Variants in ADGRG6 observed in about 807,000 individuals in gnomAD.
The protein encoded by ADGRG6 is G-protein coupled receptor 126.
Under a neutral mutation model 142.4 loss-of-function variants are expected in ADGRG6, and 84 were observed. The ratio of observed to expected loss-of-function variants is 0.59; its 90% CI spans 0.49 to 0.71. The LOEUF is 0.71. Among genes scored for constraint, ADGRG6 ranks in the 30% least tolerant of loss-of-function variants. The pLI is 0.00. For missense variants in ADGRG6, 1,367 were observed against 1,466.6 expected (o/e 0.93, Z 1.11); for synonymous variants, 521 against 520.5 (o/e 1.00, Z -0.01).
intron 22 of ADGRG6, among the ~76,000 whole-genome samples, chr6:142,435,187 A>T (rs543349280): frequency 6.6e-6 from 1 of 152,242 alleles, no homozygotes; most frequent in East Asian, 1.9e-4. Flanking sequence ...TGTTCCATGA[A>T]TACAAGGATT....
chr6:142,436,624 T>A (rs1582693026), intron 22 of ADGRG6, among the ~76,000 whole-genome samples: 1 of 152,166 alleles, frequency 6.6e-6, no homozygotes, highest in South Asian at 2.1e-4. Context: ...ATTTTTTGTT[T>A]GTTCTTAAAA....
chr6:142,345,324 A>G (rs1271876570), intron 2 of ADGRG6, among the ~76,000 whole-genome samples: 4 of 152,094 alleles, frequency 2.6e-5, no homozygotes, highest in Non-Finnish European at 5.9e-5. Flanking sequence ...TATCTTTGGC[A>G]GTCATAGTCA....
intron 6 of ADGRG6, among the ~76,000 whole-genome samples, chr6:142,386,666 T>C (rs1316886447): frequency 6.6e-6 from 1 of 152,220 alleles, no homozygotes; most frequent in Admixed American, 6.5e-5. Context: ...ATTTATATGA[T>C]TATCTTATAC....
intron 22 of ADGRG6, among the ~76,000 whole-genome samples, chr6:142,429,285 T>C (rs1423191530): frequency 1.3e-5 from 2 of 152,228 alleles, no homozygotes; most frequent in Non-Finnish European, 2.9e-5. Context: ...CACTGGAGGC[T>C]GAGGTTAGGA....
In ADGRG6 at chr6:142,398,817, C is replaced by G. The variant is rs189988496; in HGVS notation, c.1567+1062C>G. The stretch of plus-strand genomic sequence containing the variant: ...GTCCAGATGCCTAGAGCATCATATG[C>G]ATCAGAAGACCATAGTACTTAGAAG... On this transcript the variant is annotated intron_variant, in intron 10 of 24. Transcript: ENST00000367609. Among the ~76,000 whole-genome samples the G allele has an allele frequency of 3.9e-4, 59 of 152,234 alleles. 1 individual carries two copies. The South Asian group carries it at 4.4e-3, about 11-fold the overall frequency.
intron 9 of ADGRG6, among the ~76,000 whole-genome samples, chr6:142,395,980 C>T (rs1334985788): frequency 6.6e-6 from 1 of 152,038 alleles, no homozygotes; most frequent in Non-Finnish European, 1.5e-5. Flanking sequence ...ATGGTAACAA[C>T]AGATAGAATG....
chr6:142,308,624 A>T (rs764346506), intron 1 of ADGRG6, among the ~76,000 whole-genome samples: 2 of 151,708 alleles, frequency 1.3e-5, no homozygotes, highest in Non-Finnish European at 2.9e-5. Context: ...CTCTCAGGGG[A>T]TTTTCAGGTT....
At position 142,381,967 on chromosome 6, in the gene ADGRG6, G is replaced by A. The variant is rs371649497; in HGVS notation, c.1086G>A (p.Pro362=). 7.7e-5 allele frequency: 123 copies of A among 1,600,946 alleles called. No individual in the cohort carries two copies. The highest frequency in any genetic ancestry group is 2.4e-4 in the African/African-American group (18 of 74,520). Reference sequence around the variant, plus strand: ...TTGATCAAGGTTCCTACCTGATCCCGCTCCCAGCAGCAGAACTGGCCAGCT... The same window carrying A: ...TTGATCAAGGTTCCTACCTGATCCCACTCCCAGCAGCAGAACTGGCCAGCT... ...SNLSCGSYLI[P]LPAAELASCA... The change falls in exon 5 of 25, where the codon CCG becomes CCA. Residue 362 remains proline, a synonymous_variant. Coordinates refer to ENST00000367609, the MANE Select transcript of ADGRG6 (RefSeq NM_198569.3).
chr6:142,442,985 C>A (rs1180890421), intron 24 of ADGRG6, among the ~76,000 whole-genome samples: 1 of 152,066 alleles, frequency 6.6e-6, no homozygotes, highest in Admixed American at 6.6e-5. Flanking sequence ...AATATTTCAG[C>A]ACATTCTAAT....
At chr6:142,362,855 A>G (rs1293002007) in intron 2 of ADGRG6, among the ~76,000 whole-genome samples, 2 of 152,180 alleles carry the variant, frequency 1.3e-5, no homozygotes, top group Admixed American at 6.6e-5. Context: ...TCTAGAATTC[A>G]TAGTTGCTGG....
intron 24 of ADGRG6, 53 bp from the exon 25 acceptor site, chr6:142,443,284 T>C (rs1389946725): frequency 3.3e-6 from 4 of 1,210,436 alleles, no homozygotes; most frequent in Non-Finnish European, 4.8e-6. Context: ...TGGTGGCCTG[T>C]AGGCATGCCA....
At chr6:142,314,236 A>T (rs1233543783) in intron 2 of ADGRG6, among the ~76,000 whole-genome samples, 4 of 152,204 alleles carry the variant, frequency 2.6e-5, no homozygotes, top group African/African-American at 9.7e-5. Flanking sequence ...AAAGCCAATT[A>T]CATAAACGTA....
At chr6:142,423,851 A>C (rs1430785004) in intron 22 of ADGRG6, among the ~76,000 whole-genome samples, 2 of 143,090 alleles carry the variant, frequency 1.4e-5, no homozygotes, top group African/African-American at 5.3e-5. Flanking sequence ...TTCATTGAGC[A>C]GTGGTTTGTA....
At chr6:142,343,044 AG>A (rs1779735668) in intron 2 of ADGRG6, among the ~76,000 whole-genome samples, 1 of 151,762 alleles carries the variant, frequency 6.6e-6, no homozygotes, top group Non-Finnish European at 1.5e-5. Flanking sequence ...TTTTTATAAA[AG>A]TTTTATAAAA....
At chr6:142,349,216 G>C (rs72988320) in intron 2 of ADGRG6, among the ~76,000 whole-genome samples, 1 of 152,182 alleles carries the variant, frequency 6.6e-6, no homozygotes, top group Admixed American at 6.5e-5. Context: ...AGATGTTGCA[G>C]ATAAAGTTCC....
chr6:142,403,735 A>C, intron 13 of ADGRG6, 67 bp from the exon 14 acceptor site: 1 of 1,022,208 alleles, frequency 9.8e-7, no homozygotes, highest in Non-Finnish European at 1.4e-6. Context: ...CATGCAGCAA[A>C]ACATGTATGT....
chr6:142,336,473 G>C (rs993908369), intron 2 of ADGRG6, among the ~76,000 whole-genome samples: 22 of 152,132 alleles, frequency 1.4e-4, no homozygotes, highest in African/African-American at 5.3e-4. Context: ...CTCTGGGGTT[G>C]TGTCTGGGGT....
chr6:142,439,802 C>G (rs1460430956), intron 24 of ADGRG6, among the ~76,000 whole-genome samples: 1 of 152,160 alleles, frequency 6.6e-6, no homozygotes, highest in Non-Finnish European at 1.5e-5. Context: ...CTGTGCACCT[C>G]TGCTTAAGAA....
intron 2 of ADGRG6, among the ~76,000 whole-genome samples, chr6:142,363,011 C>A (rs1392013522): frequency 1.3e-5 from 2 of 152,158 alleles, no homozygotes; most frequent in African/African-American, 4.8e-5. Context: ...ACCAAGCAGG[C>A]AACTTAAGCT....
Sources: gnomAD v4.1 joint callset for allele counts (sites outside exome capture counted in the v4.1 genomes callset) on GRCh38, gnomAD v4.1.1 for gene constraint, MANE v1.5 for transcripts, NCBI Gene and HGNC (gene_info 2026-07-23, HGNC 2026-07-21) for gene names.